The following SPATA31H1 variants were observed in gnomAD, a reference collection of about 807,000 sequenced individuals.
The protein encoded by SPATA31H1 is spermatogenesis-associated protein 31H1.
At chr2:27,539,101 CTTTTTTT>C in the SPATA31H1 span, among the ~76,000 whole-genome samples, 77 of 94,626 alleles carry the variant, frequency 8.1e-4, no homozygotes, top group African/African-American at 2.9e-3. Flanking sequence ...TCATCATTTT[CTTTTTTT>C]TTTTTTTTTT....
At chr2:27,570,694 C>T in the SPATA31H1 span, 15 of 398,796 alleles carry the variant, frequency 3.8e-5, no homozygotes, top group East Asian at 5.3e-4. Flanking sequence ...GAGATGACCC[C>T]AGGGCCAAAG....
chr2:27,575,404 A>G, the SPATA31H1 span: 1 of 398,540 alleles, frequency 2.5e-6, no homozygotes, highest in Non-Finnish European at 4.4e-6. The surrounding 1 kb of genome is among the most constrained non-coding windows in gnomAD (Gnocchi z 4.1). Flanking sequence ...ACAGGGACAA[A>G]GCTTCAAGAT....
the SPATA31H1 span, chr2:27,578,743 T>C: frequency 1.9e-6 from 3 of 1,614,136 alleles, no homozygotes; most frequent in Non-Finnish European, 2.5e-6. Flanking sequence ...GAGTTACAAG[T>C]AGGGACTGAC....
At chr2:27,544,550 T>C in the SPATA31H1 span, among the ~76,000 whole-genome samples, 16 of 150,886 alleles carry the variant, frequency 1.1e-4, no homozygotes, top group East Asian at 5.9e-4. Context: ...TTTTTTTTTT[T>C]CTGAGACGGA....
the SPATA31H1 span, chr2:27,580,716 G>A: frequency 6.2e-7 from 1 of 1,614,204 alleles, no homozygotes; most frequent in South Asian, 1.1e-5. Context: ...GACAAGGCCA[G>A]ACAATTTGTG....
chr2:27,568,954 C>T, the SPATA31H1 span: 18 of 398,786 alleles, frequency 4.5e-5, no homozygotes, highest in African/African-American at 3.7e-4. Context: ...GAGATGATCT[C>T]CGGACCAGGA....
At chr2:27,574,006 TGAA>T in the SPATA31H1 span, 1 of 398,518 alleles carries the variant, frequency 2.5e-6, no homozygotes, top group East Asian at 3.6e-5. Flanking sequence ...TCCCAAGACA[TGAA>T]GTTTAGAGAG....
chr2:27,545,390 A>C, the SPATA31H1 span, among the ~76,000 whole-genome samples: 1 of 152,074 alleles, frequency 6.6e-6, no homozygotes, highest in African/African-American at 2.4e-5. Flanking sequence ...GATTTTAATT[A>C]CACATAATGC....
At chr2:27,567,255 C>T in the SPATA31H1 span, 1 of 612,174 alleles carries the variant, frequency 1.6e-6, no homozygotes, top group Non-Finnish European at 3.0e-6. Context: ...TACATTCAAG[C>T]TCTCTCCTTC....
the SPATA31H1 span, chr2:27,566,108 G>A: frequency 1.4e-6 from 1 of 717,468 alleles, no homozygotes; most frequent in South Asian, 1.5e-5. Flanking sequence ...GGTGAGTAAA[G>A]CCTGTCTTCA....
the SPATA31H1 span, among the ~76,000 whole-genome samples, chr2:27,563,500 A>G: frequency 6.9e-6 from 1 of 144,252 alleles, no homozygotes; most frequent in Non-Finnish European, 1.5e-5. Context: ...GGCTCCAGAG[A>G]TCCTCCTACC....
the SPATA31H1 span, among the ~76,000 whole-genome samples, chr2:27,561,042 G>A: frequency 6.6e-6 from 1 of 152,120 alleles, no homozygotes; most frequent in Non-Finnish European, 1.5e-5. Flanking sequence ...GTCTTCTACT[G>A]GATTAAAAAA....
At chr2:27,579,036 T>C in the SPATA31H1 span, 1 of 1,614,012 alleles carries the variant, frequency 6.2e-7, no homozygotes, top group South Asian at 1.1e-5. Flanking sequence ...GGATGTAATA[T>C]CTAAAGAGAC....
chr2:27,576,951 C>A, the SPATA31H1 span: 1 of 1,614,050 alleles, frequency 6.2e-7, no homozygotes, highest in Admixed American at 1.7e-5. Context: ...TAGACCAGGG[C>A]ATCAGTTTGC....
the SPATA31H1 span, among the ~76,000 whole-genome samples, chr2:27,542,467 T>C: frequency 6.6e-6 from 1 of 152,024 alleles, no homozygotes; most frequent in Admixed American, 6.5e-5. Context: ...TGCTCACATG[T>C]AACTAGAGGC....
chr2:27,562,154 T>C, the SPATA31H1 span, among the ~76,000 whole-genome samples: 3 of 152,238 alleles, frequency 2.0e-5, no homozygotes, highest in Non-Finnish European at 4.4e-5. Context: ...AGCTTTGTAA[T>C]GTATCTTAGT....
chr2:27,565,551 T>G, the SPATA31H1 span: 1 of 622,466 alleles, frequency 1.6e-6, no homozygotes. Flanking sequence ...AAGATATGTA[T>G]GTATACGGCT....
chr2:27,543,925 A>G, the SPATA31H1 span, among the ~76,000 whole-genome samples: 1 of 151,910 alleles, frequency 6.6e-6, no homozygotes, highest in Non-Finnish European at 1.5e-5. Context: ...TCGCAGATCT[A>G]GACTTATTGA....
the SPATA31H1 span, among the ~76,000 whole-genome samples, chr2:27,550,411 ATTTTTTTTTT>A: frequency 2.1e-5 from 2 of 94,540 alleles, no homozygotes; most frequent in South Asian, 3.3e-4. Flanking sequence ...TGGGTGTTAA[ATTTTTTTTTT>A]TTTTTTTTTT....
Sources: allele counts gnomAD v4.1 joint callset (sites outside exome capture counted in the v4.1 genomes callset), GRCh38; gene constraint gnomAD v4.1.1; non-coding constraint Gnocchi (gnomAD v3.1); transcripts MANE v1.5; gene names NCBI Gene and HGNC (gene_info 2026-07-23, HGNC 2026-07-21).